UPP2: variants seen among roughly 807,000 people sequenced by gnomAD.
The protein encoded by UPP2 is uridine phosphorylase 2.
UPP2 carries 23 observed loss-of-function variants against 26.7 expected under a neutral mutation model. That is an observed-to-expected ratio of 0.86 (90% CI 0.62 to 1.22). UPP2 has a LOEUF of 1.22. Among genes scored for constraint, UPP2 ranks in the 50% most tolerant of loss-of-function variants. The pLI is 0.00. For missense variants in UPP2, 387 were observed against 396.7 expected, an observed-to-expected ratio of 0.98 and a Z score of 0.21; for synonymous variants, 127 against 141.3, an observed-to-expected ratio of 0.90 and a Z score of 0.72.
intron 3 of UPP2, among the ~76,000 whole-genome samples, chr2:158,062,650 T>C (rs964635322): frequency 1.3e-5 from 2 of 152,142 alleles, no homozygotes; most frequent in African/African-American, 4.8e-5. Flanking sequence ...TTTTACACTA[T>C]CCCTTGGGTC....
chr2:158,029,713 A>C (rs1256325850), intron 3 of UPP2, among the ~76,000 whole-genome samples: 2 of 152,160 alleles, frequency 1.3e-5, no homozygotes, highest in African/African-American at 4.8e-5. Flanking sequence ...AGGGAGACAT[A>C]GACATAAAAA....
At chr2:158,124,979 A>G (rs1168575623) in intron 6 of UPP2, among the ~76,000 whole-genome samples, 1 of 152,196 alleles carries the variant, frequency 6.6e-6, no homozygotes, top group Non-Finnish European at 1.5e-5. Flanking sequence ...ATTTAAAGCT[A>G]TGCAATGGGT....
At chr2:158,041,915 A>T (rs1384766201) in intron 3 of UPP2, among the ~76,000 whole-genome samples, 1 of 152,212 alleles carries the variant, frequency 6.6e-6, no homozygotes, top group Non-Finnish European at 1.5e-5. Context: ...CTTGGTTGGG[A>T]GACACCATTT....
At chr2:158,034,075 G>A (rs939962820) in intron 3 of UPP2, among the ~76,000 whole-genome samples, 1 of 152,172 alleles carries the variant, frequency 6.6e-6, no homozygotes, top group Non-Finnish European at 1.5e-5. Context: ...CTTGGAAGTG[G>A]ATACTTTTCA....
chr2:158,017,528 A>G (rs1370105718), intron 3 of UPP2, among the ~76,000 whole-genome samples: 2 of 152,222 alleles, frequency 1.3e-5, no homozygotes, highest in African/African-American at 4.8e-5. Flanking sequence ...GGGCACACTT[A>G]ACATTTCTGC....
At chr2:158,124,285 G>T (rs923248850) in intron 6 of UPP2, among the ~76,000 whole-genome samples, 1 of 152,180 alleles carries the variant, frequency 6.6e-6, no homozygotes, top group East Asian at 1.9e-4. Flanking sequence ...GATGGGAGAA[G>T]AATGTGCCAC....
chr2:158,064,746 T>C (rs1449545946), intron 3 of UPP2, among the ~76,000 whole-genome samples: 1 of 152,222 alleles, frequency 6.6e-6, no homozygotes, highest in Non-Finnish European at 1.5e-5. Context: ...CTTTGATACA[T>C]CTTGAGTTGA....
intron 3 of UPP2, among the ~76,000 whole-genome samples, chr2:158,087,984 A>T (rs999772852): frequency 2.6e-5 from 4 of 152,064 alleles, no homozygotes; most frequent in African/African-American, 9.7e-5. Context: ...TTTTGCAATA[A>T]ATTTCCCAAA....
intron 2 of UPP2, among the ~76,000 whole-genome samples, chr2:158,011,166 C>T (rs577128795): frequency 1.9e-4 from 29 of 152,282 alleles, no homozygotes; most frequent in Non-Finnish European, 3.7e-4. Flanking sequence ...CAATTCCAAA[C>T]CCTTGTGCTG....
intron 2 of UPP2, chr2:157,995,355 T>G: frequency 7.4e-7 from 1 of 1,357,420 alleles, no homozygotes; most frequent in Admixed American, 1.9e-5. Flanking sequence ...ATTATGTGGT[T>G]GATGTTTTCC....
chr2:158,002,075 T>C (rs1407103611), intron 2 of UPP2, among the ~76,000 whole-genome samples: 1 of 151,076 alleles, frequency 6.6e-6, no homozygotes, highest in East Asian at 2.0e-4. Flanking sequence ...CCTTTCAGCA[T>C]CTTTTACCAA....
intron 3 of UPP2, among the ~76,000 whole-genome samples, chr2:158,021,322 T>A (rs1324437641): frequency 1.3e-5 from 2 of 152,244 alleles, no homozygotes; most frequent in East Asian, 3.8e-4. Context: ...AGTCTAAGTA[T>A]GTATCTGGAT....
At chr2:158,122,267 T>G (rs1367950231) in intron 5 of UPP2, among the ~76,000 whole-genome samples, 2 of 152,118 alleles carry the variant, frequency 1.3e-5, no homozygotes, top group Non-Finnish European at 2.9e-5. Flanking sequence ...TTGAAGGGCA[T>G]TCTGAAAATC....
At chr2:158,033,339 C>T (rs1202364037) in intron 3 of UPP2, among the ~76,000 whole-genome samples, 2 of 152,194 alleles carry the variant, frequency 1.3e-5, no homozygotes, top group East Asian at 1.9e-4. Flanking sequence ...CTTACAGATG[C>T]TCTCACACTC....
intron 3 of UPP2, among the ~76,000 whole-genome samples, chr2:158,058,257 C>A (rs1682284763): frequency 6.9e-6 from 1 of 145,838 alleles, no homozygotes; most frequent in Non-Finnish European, 1.5e-5. Flanking sequence ...TGTGCCACTG[C>A]ATGCCAGCCT....
intron 2 of UPP2, among the ~76,000 whole-genome samples, chr2:158,005,408 T>A (rs1272223089): frequency 6.6e-6 from 1 of 152,162 alleles, no homozygotes; most frequent in Non-Finnish European, 1.5e-5. Flanking sequence ...TAAAGGGGAT[T>A]CTCAGGTTGC....
intron 5 of UPP2, among the ~76,000 whole-genome samples, chr2:158,122,487 T>G (rs575570671): frequency 6.6e-6 from 1 of 152,144 alleles, no homozygotes; most frequent in African/African-American, 2.4e-5. Flanking sequence ...TCCAATAGGG[T>G]TGGGACCCTC....
chr2:158,085,759 T>C (rs1312122232), intron 3 of UPP2, among the ~76,000 whole-genome samples: 1 of 152,168 alleles, frequency 6.6e-6, no homozygotes, highest in Non-Finnish European at 1.5e-5. Context: ...ATTGAGATGA[T>C]CATGTGATTT....
At chr2:158,068,782 ATATATATATATATATATATATTTTTT>A (rs1682480090) in intron 3 of UPP2, among the ~76,000 whole-genome samples, 2 of 9,956 alleles carry the variant, frequency 2.0e-4, no homozygotes, top group Non-Finnish European at 4.3e-4. Flanking sequence ...ATATATATAT[ATATATATATATATATATATATTTTTT>A]TTTTTTTTTT....
Sources: gnomAD v4.1 joint callset for allele counts (sites outside exome capture counted in the v4.1 genomes callset) on GRCh38, gnomAD v4.1.1 for gene constraint, MANE v1.5 for transcripts, NCBI Gene and HGNC (gene_info 2026-07-23, HGNC 2026-07-21) for gene names.